ISM1: variants seen among roughly 807,000 people sequenced by gnomAD.
ISM1 encodes the protein isthmin 1, also known as isthmin-1.
ISM1 carries 25 observed loss-of-function variants against 46.3 expected under a neutral mutation model. The ratio of observed to expected loss-of-function variants is 0.54; its 90% CI spans 0.39 to 0.75. ISM1 has a LOEUF of 0.75. ISM1 is among the 30% of genes least tolerant of loss of function. The pLI, the probability that ISM1 is intolerant of heterozygous loss-of-function variation, is 0.00. For missense variants in ISM1, 536 were observed against 625.4 expected (o/e 0.86, Z 1.52); for synonymous variants, 255 against 256.7 (o/e 0.99, Z 0.06).
At chr20:13,302,417 TG>T (rs1263123993), downstream of ISM1, among the ~76,000 whole-genome samples, 1 of 152,198 alleles carries the variant, frequency 6.6e-6, no homozygotes, top group African/African-American at 2.4e-5. Flanking sequence ...AATGCTTTAG[TG>T]GGCCAATGAG....
intron 3 of ISM1, among the ~76,000 whole-genome samples, chr20:13,280,272 A>G (rs2040224176): frequency 6.6e-6 from 1 of 151,774 alleles, no homozygotes; most frequent in Admixed American, 6.6e-5. Context: ...AAATCAGTGT[A>G]GTAAAAGAGA....
intron 1 of ISM1, among the ~76,000 whole-genome samples, chr20:13,253,877 A>C (rs565732639): frequency 1.0e-5 from 1 of 98,912 alleles, no homozygotes. Context: ...ATATATATAT[A>C]TGTGTGTGTG....
At chr20:13,293,222 A>AG in intron 5 of ISM1, among the ~76,000 whole-genome samples, 1 of 152,064 alleles carries the variant, frequency 6.6e-6, no homozygotes, top group Non-Finnish European at 1.5e-5. Context: ...AAAAAAAAAA[A>AG]AAAGAATTCT....
Position 13,221,552 on chromosome 20 carries a change from T to TGCGGCG in ISM1, c.-206_-201dup, listed in dbSNP as rs911571992. On this transcript the variant is annotated 5_prime_UTR_variant, in exon 1 of 6. Transcript: ENST00000262487. ...CGGCCTCGCGGTGGCTCCGCCGTGG[T>TGCGGCG]GCGGCGGCGGCGGCGGCGGCGGCGC... is the stretch of plus-strand genomic sequence containing the variant. Among the ~76,000 whole-genome samples, 38 of 141,586 alleles carry TGCGGCG rather than the reference T, an allele frequency of 2.7e-4. No homozygotes were observed. Among genetic ancestry groups the TGCGGCG allele is most frequent in the East Asian group, 2.0e-3 (9 of 4,556 alleles). The allele number at this position is 141,586 out of a possible 152,430, so 92.9% of individuals were successfully genotyped here.
At chr20:13,272,990 T>C (rs1032554320) in intron 2 of ISM1, among the ~76,000 whole-genome samples, 1 of 152,226 alleles carries the variant, frequency 6.6e-6, no homozygotes, top group African/African-American at 2.4e-5. Flanking sequence ...TGAGCTATAA[T>C]ATCAGTGTAA....
At chr20:13,233,680 G>A (rs1471969870) in intron 1 of ISM1, among the ~76,000 whole-genome samples, 3 of 151,710 alleles carry the variant, frequency 2.0e-5, no homozygotes, top group African/African-American at 7.3e-5. Context: ...CTGACCTTCT[G>A]GGCACATGGG....
the ISM1 span, among the ~76,000 whole-genome samples, chr20:13,313,934 C>A: frequency 2.6e-5 from 4 of 152,044 alleles, no homozygotes; most frequent in East Asian, 7.7e-4. Context: ...ATAAAAAATT[C>A]TAAGAAAGAA....
At chr20:13,284,279 C>T (rs918207627) in intron 3 of ISM1, among the ~76,000 whole-genome samples, 1 of 152,186 alleles carries the variant, frequency 6.6e-6, no homozygotes, top group Non-Finnish European at 1.5e-5. Flanking sequence ...GCCCACAGGA[C>T]GCTAGTGCCC....
chr20:13,307,593 G>A, the ISM1 span, among the ~76,000 whole-genome samples: 4 of 152,036 alleles, frequency 2.6e-5, no homozygotes, highest in African/African-American at 7.2e-5. Context: ...GTCCAGTAAC[G>A]GGCACTCACT....
At chr20:13,265,059 T>C (rs1315559605) in intron 1 of ISM1, among the ~76,000 whole-genome samples, 1 of 152,126 alleles carries the variant, frequency 6.6e-6, no homozygotes, top group Non-Finnish European at 1.5e-5. Context: ...CCGATGTGTA[T>C]AATATTTAAC....
Position 13,270,702 on chromosome 20 carries a change from C to A in ISM1, c.337C>A (p.Leu113Ile), listed in dbSNP as rs1448232964. The A allele has an allele frequency of 8.1e-6, 13 of 1,613,756 alleles. No individual in the cohort carries two copies. The highest frequency in any genetic ancestry group is 1.1e-5 in the South Asian group (1 of 91,064). The change falls in exon 2 of 6, where the codon CTT becomes ATT. Residue 113 changes from leucine (L) to isoleucine (I), a missense_variant. Physicochemically the swap from Leu to Ile is conservative, Grantham distance 5. Coordinates refer to ENST00000262487, the MANE Select transcript of ISM1 (RefSeq NM_080826.2). ...FLLDLPNFPD[L>I]SKADINGQNP... ...CCTTGATCTACCAAACTTTCCAGAT[C>A]TTTCCAAAGCTGATATCAATGGGCA... is the stretch of plus-strand genomic sequence containing the variant.
At chr20:13,317,629 A>C in the ISM1 span, among the ~76,000 whole-genome samples, 1 of 152,046 alleles carries the variant, frequency 6.6e-6, no homozygotes, top group Non-Finnish European at 1.5e-5. Flanking sequence ...GAGCCAGAGA[A>C]TAGACCTACA....
chr20:13,232,072 G>C (rs908092235), intron 1 of ISM1, among the ~76,000 whole-genome samples: 1 of 152,180 alleles, frequency 6.6e-6, no homozygotes, highest in Non-Finnish European at 1.5e-5. Flanking sequence ...ACAAATAACA[G>C]ACATGCCTTG....
At position 13,299,755 on chromosome 20, in the gene ISM1, G is replaced by C. The variant is rs572670133; in HGVS notation, c.*296G>C. 3.2e-6 allele frequency: 1 copy of C among 311,256 alleles called. No individual in the cohort carries two copies. The highest frequency in any genetic ancestry group is 9.3e-5 in the South Asian group (1 of 10,706). The allele number at this position is 311,256 out of a possible 1,614,324, so 19.3% of individuals were successfully genotyped here. On this transcript the variant is annotated 3_prime_UTR_variant, in exon 6 of 6. Coordinates refer to ENST00000262487, the MANE Select transcript of ISM1 (RefSeq NM_080826.2). The surrounding 1 kb of genome is among the most constrained non-coding windows in gnomAD (Gnocchi z 5.8). ...AGAACCTGGAAGCCACAGTGGGTGCGACTCAATTCACACCCGGATCCAGAG... is the reference window on the plus strand; with the variant it reads ...AGAACCTGGAAGCCACAGTGGGTGCCACTCAATTCACACCCGGATCCAGAG...
intron 2 of ISM1, among the ~76,000 whole-genome samples, chr20:13,271,886 C>T (rs2040119517): frequency 1.3e-5 from 2 of 152,202 alleles, no homozygotes; most frequent in African/African-American, 4.8e-5. Flanking sequence ...TCAAGCGATC[C>T]TCCCACCTCA....
intron 3 of ISM1, among the ~76,000 whole-genome samples, chr20:13,284,425 T>C (rs1024495154): frequency 5.4e-4 from 82 of 152,236 alleles, no homozygotes; most frequent in African/African-American, 1.9e-3. Context: ...AAGCACCATA[T>C]AGATGCTCCC....
chr20:13,229,798 A>G (rs575557116), intron 1 of ISM1, among the ~76,000 whole-genome samples: 1 of 152,156 alleles, frequency 6.6e-6, no homozygotes, highest in East Asian at 1.9e-4. Context: ...TTCACTTTCA[A>G]TTGGTTGCCA....
chr20:13,279,730 C>T lies in ISM1; in HGVS notation c.475C>T (p.Arg159Trp), dbSNP rs376403685. The T allele has an allele frequency of 7.4e-6, 12 of 1,613,904 alleles. No individual in the cohort carries two copies. Among genetic ancestry groups the T allele is most frequent in the South Asian group, 3.3e-5 (3 of 91,094 alleles). ...CTGGTCAGTCCCATCCCCCGACTGGCGGGCCTGGTGGCAGAGGTCCCTGTC... is the reference window on the plus strand; with the variant it reads ...CTGGTCAGTCCCATCCCCCGACTGGTGGGCCTGGTGGCAGAGGTCCCTGTC... ...PSWSVPSPDW[R>W]AWWQRSLSLA... Residue 159 changes from arginine to tryptophan, a missense_variant, in exon 3 of 6, where the codon CGG (arginine) becomes TGG (tryptophan). By Grantham distance (101) the Arg-to-Trp change is moderately radical. This residue lies in a region of ISM1 where 367 missense variants were observed against 376.1 expected (regional missense o/e 0.98). Coordinates refer to ENST00000262487, the MANE Select transcript of ISM1 (RefSeq NM_080826.2).
chr20:13,230,775 A>C (rs2039579941), intron 1 of ISM1, among the ~76,000 whole-genome samples: 1 of 152,030 alleles, frequency 6.6e-6, no homozygotes, highest in Admixed American at 6.6e-5. Flanking sequence ...AGAAAAAAAA[A>C]CCTCACTTTG....
Sources: gnomAD v4.1 joint callset for allele counts (sites outside exome capture counted in the v4.1 genomes callset) on GRCh38, gnomAD v4.1.1 for gene constraint, gnomAD v4.1.1 regional missense constraint, Gnocchi (gnomAD v3.1) non-coding constraint, MANE v1.5 for transcripts, NCBI Gene and HGNC (gene_info 2026-07-23, HGNC 2026-07-21) for gene names.